SPRED1: variants seen among roughly 807,000 people sequenced by gnomAD.
The protein encoded by SPRED1 is sprouty related EVH1 domain containing 1.
In SPRED1, 18 loss-of-function variants were observed where a neutral mutation model predicts 52.3. That is an observed-to-expected ratio of 0.34 (90% confidence interval 0.24 to 0.51). The LOEUF (loss-of-function observed/expected upper bound fraction) is 0.51. SPRED1 is among the 20% of genes least tolerant of loss of function. SPRED1 has a pLI of 0.97. For missense variants in SPRED1, 485 were observed against 551.0 expected (o/e 0.88, Z 1.20); for synonymous variants, 155 against 179.7 (o/e 0.86, Z 1.10).
intron 2 of SPRED1, among the ~76,000 whole-genome samples, chr15:38,299,864 G>A (rs992548627): frequency 6.6e-6 from 1 of 151,966 alleles, no homozygotes; most frequent in Non-Finnish European, 1.5e-5. Context: ...CCAGAGATTG[G>A]CAAACTAATC....
chr15:38,261,154 T>A (rs1009917051), intron 1 of SPRED1, among the ~76,000 whole-genome samples: 1 of 152,248 alleles, frequency 6.6e-6, no homozygotes, highest in African/African-American at 2.4e-5. Flanking sequence ...GCCAGAAATG[T>A]CATTTAATCT....
At chr15:38,337,766 T>C (rs1895949879) in intron 4 of SPRED1, among the ~76,000 whole-genome samples, 2 of 151,902 alleles carry the variant, frequency 1.3e-5, no homozygotes, top group Admixed American at 6.6e-5. Flanking sequence ...TTCTCAGTTA[T>C]TATAATTTAG....
chr15:38,338,490 G>T (rs1323824955), intron 4 of SPRED1, among the ~76,000 whole-genome samples: 6 of 152,060 alleles, frequency 3.9e-5, no homozygotes, highest in Non-Finnish European at 8.8e-5. Flanking sequence ...TTTTTCCAAT[G>T]TTTTATCAGC....
chr15:38,308,589 T>TTTTAGGTTTGACCTA (rs1420261404), intron 2 of SPRED1, among the ~76,000 whole-genome samples: 1 of 152,236 alleles, frequency 6.6e-6, no homozygotes, highest in Non-Finnish European at 1.5e-5. Flanking sequence ...AGTGTAATAA[T>TTTTAGGTTTGACCTA]AAGTATGTAA....
intron 1 of SPRED1, among the ~76,000 whole-genome samples, chr15:38,286,214 G>A (rs747305060): frequency 6.5e-5 from 7 of 107,966 alleles, no homozygotes; most frequent in Admixed American, 1.3e-4. Flanking sequence ...CATGCCAACC[G>A]CACTCCAGCC....
intron 2 of SPRED1, among the ~76,000 whole-genome samples, chr15:38,308,716 T>G (rs1157904889): frequency 6.6e-6 from 1 of 152,210 alleles, no homozygotes; most frequent in Non-Finnish European, 1.5e-5. Flanking sequence ...GATATGTATT[T>G]ATATGACTTA....
intron 4 of SPRED1, among the ~76,000 whole-genome samples, chr15:38,328,620 G>T (rs1303461517): frequency 1.3e-5 from 2 of 152,266 alleles, no homozygotes; most frequent in East Asian, 3.9e-4. Flanking sequence ...AGTCTTAAAA[G>T]TTAAGATTTT....
chr15:38,318,713 G>T (rs1038823060), intron 2 of SPRED1, among the ~76,000 whole-genome samples: 6 of 152,108 alleles, frequency 3.9e-5, no homozygotes, highest in Non-Finnish European at 5.9e-5. Flanking sequence ...ACATTAATTT[G>T]CTTAGGATAA....
chr15:38,340,380 C>T (rs1896003323), intron 5 of SPRED1, among the ~76,000 whole-genome samples: 1 of 152,004 alleles, frequency 6.6e-6, no homozygotes, highest in Non-Finnish European at 1.5e-5. Context: ...GGAATAAACC[C>T]ATCTTGGTTG....
rs1888546339 is a variant in SPRED1, at chr15:38,353,738, T to C, written c.*2074T>C. Reference sequence around the variant, plus strand: ...GTAAGTGCTAAGTTTATAATTCAGGTTTGATCAAGGTGTGAATAACTGAAG... The same window carrying C: ...GTAAGTGCTAAGTTTATAATTCAGGCTTGATCAAGGTGTGAATAACTGAAG... On this transcript the variant is annotated 3_prime_UTR_variant, in exon 7 of 7. Transcript: ENST00000299084. 6.6e-6 allele frequency: 1 copy of C among 152,580 alleles called. No individual in the cohort carries two copies. Among genetic ancestry groups the C allele is most frequent in the African/African-American group, 2.4e-5 (1 of 41,454 alleles). The allele number at this position is 152,580 out of a possible 1,614,324, so 9.5% of individuals were successfully genotyped here.
intron 1 of SPRED1, among the ~76,000 whole-genome samples, chr15:38,294,867 A>C (rs932871751): frequency 6.6e-6 from 1 of 152,188 alleles, no homozygotes; most frequent in African/African-American, 2.4e-5. Context: ...CCTGAAGAAA[A>C]TATATATGTG....
At chr15:38,345,898 C>CCGATAGTGCATATGTT (rs1242784580) in intron 5 of SPRED1, among the ~76,000 whole-genome samples, 1 of 152,102 alleles carries the variant, frequency 6.6e-6, no homozygotes, top group Non-Finnish European at 1.5e-5. Context: ...AAACAAAAGG[C>CCGATAGTGCATATGTT]CGATAGTGCA....
chr15:38,272,621 C>G (rs1419781910), intron 1 of SPRED1, among the ~76,000 whole-genome samples: 1 of 152,132 alleles, frequency 6.6e-6, no homozygotes, highest in African/African-American at 2.4e-5. Context: ...AACTGCTCTC[C>G]ACAGTGGCTG....
intron 1 of SPRED1, among the ~76,000 whole-genome samples, chr15:38,256,486 G>T (rs1210166867): frequency 1.3e-5 from 2 of 152,122 alleles, no homozygotes; most frequent in Non-Finnish European, 2.9e-5. Flanking sequence ...AAAACATTTG[G>T]AGAAGTGAAG....
intron 2 of SPRED1, among the ~76,000 whole-genome samples, chr15:38,310,153 G>GTGTGTGTGTGTGTGTGTGTT (rs373463622): frequency 0.074 from 9,709 of 132,036 alleles, 627 homozygotes; most frequent in East Asian, 0.15. Flanking sequence ...GTGTGTGTGT[G>GTGTGTGTGTGTGTGTGTGTT]TTTGGAGACG....
chr15:38,349,991 T>C (rs929319983), intron 6 of SPRED1, among the ~76,000 whole-genome samples: 36 of 152,186 alleles, frequency 2.4e-4, no homozygotes, highest in African/African-American at 8.2e-4. Context: ...AATTTTGTTC[T>C]TTGGCCTCAA....
intron 1 of SPRED1, among the ~76,000 whole-genome samples, chr15:38,278,255 G>T (rs1466717981): frequency 6.6e-6 from 1 of 152,172 alleles, no homozygotes; most frequent in Non-Finnish European, 1.5e-5. Flanking sequence ...GTCCAGGTGG[G>T]CAGATTGCTT....
intron 2 of SPRED1, among the ~76,000 whole-genome samples, chr15:38,305,353 A>C (rs373704427): frequency 4.5e-5 from 3 of 66,474 alleles, no homozygotes; most frequent in Non-Finnish European, 1.1e-4. Context: ...AAAAAAAAAA[A>C]ACTTTTTTTT....
At chr15:38,323,134 G>A (rs1047555369) in intron 3 of SPRED1, among the ~76,000 whole-genome samples, 4 of 151,972 alleles carry the variant, frequency 2.6e-5, no homozygotes, top group African/African-American at 9.7e-5. Flanking sequence ...AAGTGTGCTA[G>A]ACTACGTTGT....
Sources: gnomAD v4.1 joint callset for allele counts (sites outside exome capture counted in the v4.1 genomes callset) on GRCh38, gnomAD v4.1.1 for gene constraint, MANE v1.5 for transcripts, NCBI Gene and HGNC (gene_info 2026-07-23, HGNC 2026-07-21) for gene names.